Variants in SERGEF observed in about 807,000 individuals in gnomAD.
SERGEF encodes secretion-regulating guanine nucleotide exchange factor.
Under a neutral mutation model 50.0 loss-of-function variants are expected in SERGEF, and 51 were observed. The observed-to-expected ratio is 1.02, with a 90% CI of 0.81 to 1.29. The LOEUF (loss-of-function observed/expected upper bound fraction) is 1.29, where lower values mean the gene tolerates loss of function less well. SERGEF is among the 50% of genes most tolerant of loss of function. SERGEF has a pLI of 0.00. For synonymous variants in SERGEF, 205 were observed against 212.4 expected (o/e 0.97, Z 0.30); for missense variants, 521 against 557.0 (o/e 0.94, Z 0.65).
Position 18,000,598 on chromosome 11 carries a change from C to T in SERGEF, c.448-41G>A, listed in dbSNP as rs200568044. 430 of 1,420,998 alleles carry T rather than the reference C, an allele frequency of 3.0e-4. 1 individual carries two copies. In the African/African-American group the frequency reaches 5.5e-3, roughly 18 times the overall value. 88.0% of individuals were successfully genotyped at this position (1,420,998 alleles called of 1,614,324 possible). A position where few individuals can be genotyped will look rare whatever the true frequency, so the allele number is the denominator to read the frequency against. On this transcript the variant is annotated intron_variant, in intron 4 of 10. Transcript: ENST00000265965. ...AAAGGATTTAGATCTCAGAACCATC[C>T]ATCTACAAAATTTTATGTAATTTAT... is the stretch of plus-strand genomic sequence containing the variant.
At chr11:17,841,017 T>C (rs1379810240) in intron 10 of SERGEF, among the ~76,000 whole-genome samples, 4 of 151,666 alleles carry the variant, frequency 2.6e-5, no homozygotes, top group African/African-American at 9.7e-5. Flanking sequence ...AGCAGCAGAG[T>C]CTCTCCCCAG....
At chr11:18,010,056 A>C in intron 1 of SERGEF, 2 of 1,045,718 alleles carry the variant, frequency 1.9e-6, no homozygotes, top group South Asian at 2.8e-5. Context: ...AAATCTTTAT[A>C]ATTTATTCAA....
chr11:17,887,861 A>AG (rs1851460185), intron 9 of SERGEF, among the ~76,000 whole-genome samples: 1 of 152,260 alleles, frequency 6.6e-6, no homozygotes, highest in South Asian at 2.1e-4. Context: ...CCCAACCCCT[A>AG]GGCTGCAGAC....
intron 10 of SERGEF, among the ~76,000 whole-genome samples, chr11:17,846,005 G>C (rs1442971868): frequency 1.3e-5 from 2 of 152,212 alleles, no homozygotes; most frequent in East Asian, 3.8e-4. Flanking sequence ...ACGTCATGCA[G>C]CCTGGGACCA....
chr11:17,875,962 G>A (rs1389350453), intron 10 of SERGEF, among the ~76,000 whole-genome samples: 1 of 152,210 alleles, frequency 6.6e-6, no homozygotes, highest in Non-Finnish European at 1.5e-5. Flanking sequence ...TTGAGGGGAG[G>A]AGCTCAACCC....
chr11:17,825,327 C>T lies in SERGEF; in HGVS notation c.1049-36914G>A, dbSNP rs181821464. 3.8e-3 allele frequency among the ~76,000 whole-genome samples: 581 copies of T among 152,176 alleles called. 3 individuals carry two copies. Among genetic ancestry groups the T allele is most frequent in the Non-Finnish European group, 6.4e-3 (438 of 68,000 alleles). On this transcript the variant is annotated intron_variant, in intron 10 of 10. Coordinates refer to ENST00000265965, the MANE Select transcript of SERGEF (RefSeq NM_012139.4). ...GAAATTCAAAACCATGGAAAGGAGG[C>T]GTATCCAAATGCCAGCCCTAGGAGC...
chr11:17,848,134 A>G (rs1325094646), intron 10 of SERGEF, among the ~76,000 whole-genome samples: 1 of 152,232 alleles, frequency 6.6e-6, no homozygotes, highest in Non-Finnish European at 1.5e-5. Context: ...TGATAACACA[A>G]TTCTGACCCT....
chr11:17,972,509 T>C (rs1183310567), intron 8 of SERGEF, among the ~76,000 whole-genome samples: 1 of 152,254 alleles, frequency 6.6e-6, no homozygotes, highest in Non-Finnish European at 1.5e-5. Context: ...CCATAAAATA[T>C]GTTTTAATTA....
intron 4 of SERGEF, among the ~76,000 whole-genome samples, chr11:18,002,359 C>A (rs1331309834): frequency 6.6e-6 from 1 of 152,160 alleles, no homozygotes; most frequent in East Asian, 1.9e-4. Flanking sequence ...GTTGTTCTTA[C>A]CATGTGTCAC....
At chr11:17,819,078 A>G (rs970554127) in intron 10 of SERGEF, among the ~76,000 whole-genome samples, 2 of 152,248 alleles carry the variant, frequency 1.3e-5, no homozygotes, top group African/African-American at 2.4e-5. Context: ...GTCAGTTTAT[A>G]TCTCTATCTT....
intron 10 of SERGEF, among the ~76,000 whole-genome samples, chr11:17,870,479 G>C (rs1185917478): frequency 6.6e-6 from 1 of 152,168 alleles, no homozygotes; most frequent in Non-Finnish European, 1.5e-5. Flanking sequence ...TAGCTAGAAA[G>C]GGCAAGAAAA....
At chr11:17,977,716 G>A (rs951522256) in intron 8 of SERGEF, among the ~76,000 whole-genome samples, 4 of 152,136 alleles carry the variant, frequency 2.6e-5, no homozygotes, top group Non-Finnish European at 4.4e-5. Context: ...CATGAAGGTA[G>A]GGCCCTCATG....
intron 10 of SERGEF, among the ~76,000 whole-genome samples, chr11:17,861,855 C>T (rs1252914974): frequency 2.0e-5 from 3 of 152,224 alleles, no homozygotes; most frequent in Admixed American, 6.5e-5. Context: ...CATCTTGTCT[C>T]GCTAAAAAGC....
Position 17,988,763 on chromosome 11 carries a change from A to C in SERGEF, c.686-8T>G. The C allele has an allele frequency of 6.2e-7, 1 of 1,612,772 alleles. No individual in the cohort carries two copies. Among genetic ancestry groups the C allele is most frequent in the African/African-American group, 1.3e-5 (1 of 75,000 alleles). On this transcript the variant is annotated splice_polypyrimidine_tract_variant and splice_region_variant and intron_variant, in intron 7 of 10. Coordinates refer to ENST00000265965, the MANE Select transcript of SERGEF (RefSeq NM_012139.4). ...CATACACCTCTCCTGCATCTTAAAC[A>C]AACAGAAGGGTAACAAAAGAGGTGA...
intron 8 of SERGEF, among the ~76,000 whole-genome samples, chr11:17,979,631 T>C (rs1005352556): frequency 2.6e-5 from 4 of 152,206 alleles, no homozygotes; most frequent in African/African-American, 9.7e-5. Flanking sequence ...GTAGATCCTT[T>C]AGGTTTCTGC....
In SERGEF at chr11:17,915,216, C is replaced by T. The variant is rs565572542; in HGVS notation, c.1012-36972G>A. On this transcript the variant is annotated intron_variant, in intron 9 of 10. Coordinates refer to ENST00000265965, the MANE Select transcript of SERGEF (RefSeq NM_012139.4). ...ATTAATCACTGTATCCCCCATAATG[C>T]CCAGGGCAGTACCTGAAATATACCA... is the stretch of plus-strand genomic sequence containing the variant. Among the ~76,000 whole-genome samples the T allele has an allele frequency of 1.2e-3, 185 of 152,218 alleles. 1 individual carries two copies. The highest frequency in any genetic ancestry group is 4.0e-3 in the African/African-American group (165 of 41,526).
intron 10 of SERGEF, among the ~76,000 whole-genome samples, chr11:17,861,283 G>T (rs925418410): frequency 6.6e-6 from 1 of 152,136 alleles, no homozygotes; most frequent in African/African-American, 2.4e-5. Flanking sequence ...CACATAATTC[G>T]CTCCAATGAT....
chr11:17,789,653 T>C (rs1282010920), intron 10 of SERGEF, among the ~76,000 whole-genome samples: 1 of 152,260 alleles, frequency 6.6e-6, no homozygotes, highest in Non-Finnish European at 1.5e-5. Flanking sequence ...AATATGGATG[T>C]GTAAGGAAAA....
chr11:17,995,768 T>C, intron 6 of SERGEF, 28 bp downstream of exon 6: 2 of 1,440,344 alleles, frequency 1.4e-6, no homozygotes, highest in Middle Eastern at 3.5e-4. Flanking sequence ...AAAGAACAAA[T>C]ATAGGACTAA....
Sources: allele counts gnomAD v4.1 joint callset (sites outside exome capture counted in the v4.1 genomes callset), GRCh38; gene constraint gnomAD v4.1.1; transcripts MANE v1.5; gene names NCBI Gene and HGNC (gene_info 2026-07-23, HGNC 2026-07-21).